The following DYNC1I2 variants were observed in gnomAD, a reference collection of about 807,000 sequenced individuals.
The protein encoded by DYNC1I2 is cytoplasmic dynein 1 intermediate chain 2.
DYNC1I2 carries 53 observed loss-of-function variants against 88.6 expected under a neutral mutation model. The ratio of observed to expected loss-of-function variants is 0.60; its 90% CI spans 0.48 to 0.75. The LOEUF (loss-of-function observed/expected upper bound fraction) is 0.75, where lower values mean the gene tolerates loss of function less well. Among genes scored for constraint, DYNC1I2 ranks in the 30% least tolerant of loss-of-function variants. The probability of loss-of-function intolerance (pLI) is 0.00; values close to 1 mark genes in which losing one functional copy is unlikely to be tolerated. For synonymous variants in DYNC1I2, 198 were observed against 254.6 expected (o/e 0.78, Z 2.12); for missense variants, 458 against 766.6 (o/e 0.60, Z 4.75).
At chr2:171,712,849 T>TC in intron 6 of DYNC1I2, 23 bp downstream of exon 6, 1 of 1,593,150 alleles carries the variant, frequency 6.3e-7, no homozygotes, top group Non-Finnish European at 8.6e-7. Context: ...TTTTTTACCT[T>TC]CCCTGTTTTA....
chr2:171,734,375 G>A (rs994543605), intron 15 of DYNC1I2, among the ~76,000 whole-genome samples: 2 of 152,114 alleles, frequency 1.3e-5, no homozygotes, highest in Non-Finnish European at 2.9e-5. Context: ...CTAGTTGAGG[G>A]GCGGTTGATA....
chr2:171,730,703 G>A (rs1354762564), intron 15 of DYNC1I2, among the ~76,000 whole-genome samples: 2 of 150,392 alleles, frequency 1.3e-5, no homozygotes, highest in Admixed American at 6.6e-5. Context: ...ATTCTAAGGT[G>A]TTTTTTTTTC....
intron 5 of DYNC1I2, among the ~76,000 whole-genome samples, chr2:171,709,875 G>A (rs368867054): frequency 2.6e-5 from 4 of 151,818 alleles, no homozygotes; most frequent in East Asian, 1.9e-4. Context: ...GCACAACCGC[G>A]CCCAGCTAAT....
chr2:171,721,792 T>C (rs542831086), intron 7 of DYNC1I2, among the ~76,000 whole-genome samples: 1 of 152,278 alleles, frequency 6.6e-6, no homozygotes, highest in South Asian at 2.1e-4. Flanking sequence ...ACAATAAAAC[T>C]ACATAGTAAA....
intron 15 of DYNC1I2, among the ~76,000 whole-genome samples, chr2:171,731,657 G>T (rs896239211): frequency 4.6e-5 from 7 of 152,224 alleles, no homozygotes; most frequent in African/African-American, 1.7e-4. Context: ...GGAGGCTGAG[G>T]TGGGAGGATT....
chr2:171,736,546 A>T (rs1470981978), intron 15 of DYNC1I2, among the ~76,000 whole-genome samples: 2 of 152,190 alleles, frequency 1.3e-5, no homozygotes, highest in Non-Finnish European at 2.9e-5. Context: ...TATAATTTGA[A>T]TGTTTAATGG....
At chr2:171,695,557 A>G (rs1014040209) in intron 3 of DYNC1I2, among the ~76,000 whole-genome samples, 2 of 152,136 alleles carry the variant, frequency 1.3e-5, no homozygotes, top group Non-Finnish European at 2.9e-5. Context: ...ATTTATTTCT[A>G]ATATATAATA....
intron 5 of DYNC1I2, among the ~76,000 whole-genome samples, chr2:171,708,490 T>G (rs1686854716): frequency 6.6e-6 from 1 of 152,210 alleles, no homozygotes; most frequent in Non-Finnish European, 1.5e-5. Flanking sequence ...AAATCTAAGC[T>G]ATACTATCTT....
At chr2:171,700,225 G>A (rs1219148999) in intron 3 of DYNC1I2, among the ~76,000 whole-genome samples, 1 of 152,154 alleles carries the variant, frequency 6.6e-6, no homozygotes, top group Non-Finnish European at 1.5e-5. Flanking sequence ...GCCACTCCAC[G>A]GATCTACTTG....
chr2:171,746,663 A>G (rs1455186083), intron 17 of DYNC1I2, among the ~76,000 whole-genome samples: 1 of 152,144 alleles, frequency 6.6e-6, no homozygotes, highest in African/African-American at 2.4e-5. Flanking sequence ...CTGCACTAAT[A>G]TGGTAGCTTC....
chr2:171,712,656 G>T, intron 5 of DYNC1I2, 111 bp from the exon 6 acceptor site: 4 of 766,222 alleles, frequency 5.2e-6, no homozygotes, highest in Admixed American at 2.6e-5. Context: ...CAGAACATGT[G>T]TTTTTTAATT....
chr2:171,697,175 GTTTTGTTTTTGT>G (rs540224968), intron 3 of DYNC1I2, among the ~76,000 whole-genome samples: 4 of 151,458 alleles, frequency 2.6e-5, no homozygotes, highest in African/African-American at 7.3e-5. Context: ...TAATTTTTTT[GTTTTGTTTTTGT>G]TTTTGTTTTT....
chr2:171,748,600 G>C lies in DYNC1I2; in HGVS notation c.*711G>C, dbSNP rs1689945743. On this transcript the variant is annotated 3_prime_UTR_variant, in exon 18 of 18. Coordinates refer to ENST00000397119, the MANE Select transcript of DYNC1I2 (RefSeq NM_001378.3). The stretch of plus-strand genomic sequence containing the variant: ...CCAGTGCATTATGAATTGATGTCTA[G>C]ATAATCTGTTGGTGAAAAAATTTCC... 6.6e-6 allele frequency among the ~76,000 whole-genome samples: 1 copy of C among 152,162 alleles called. No homozygotes were observed. The highest frequency in any genetic ancestry group is 6.5e-5 in the Admixed American group (1 of 15,276).
At chr2:171,694,377 G>T (rs1685605186) in intron 3 of DYNC1I2, among the ~76,000 whole-genome samples, 1 of 152,202 alleles carries the variant, frequency 6.6e-6, no homozygotes, top group South Asian at 2.1e-4. Context: ...AAAAGAGGTG[G>T]CTGGGTGGGG....
At chr2:171,742,193 A>G in intron 15 of DYNC1I2, among the ~76,000 whole-genome samples, 1 of 151,518 alleles carries the variant, frequency 6.6e-6, no homozygotes, top group Non-Finnish European at 1.5e-5. Flanking sequence ...ATTTTTTGAG[A>G]CAAGGTCTCA....
At chr2:171,697,105 A>T (rs1321630598) in intron 3 of DYNC1I2, among the ~76,000 whole-genome samples, 3 of 152,048 alleles carry the variant, frequency 2.0e-5, no homozygotes, top group Non-Finnish European at 2.9e-5. Flanking sequence ...GGCTCAAGCG[A>T]TCCTCTCACC....
chr2:171,732,043 T>C (rs1444889736), intron 15 of DYNC1I2, among the ~76,000 whole-genome samples: 1 of 152,140 alleles, frequency 6.6e-6, no homozygotes. Context: ...AAAAATTGGG[T>C]TAATAATTAT....
intron 10 of DYNC1I2, 91 bp downstream of exon 10, chr2:171,726,384 TAAATC>T (rs1688256867): frequency 1.2e-6 from 1 of 846,910 alleles, no homozygotes; most frequent in African/African-American, 1.7e-5. Context: ...TTTTGTATAA[TAAATC>T]AATATGTGTT....
chr2:171,738,571 T>C (rs1243036119), intron 15 of DYNC1I2, among the ~76,000 whole-genome samples: 2 of 152,214 alleles, frequency 1.3e-5, no homozygotes, highest in Non-Finnish European at 2.9e-5. Flanking sequence ...TGTAGATGTC[T>C]TTTGATGGCC....
Sources: allele counts gnomAD v4.1 joint callset (sites outside exome capture counted in the v4.1 genomes callset), GRCh38; gene constraint gnomAD v4.1.1; transcripts MANE v1.5; gene names NCBI Gene and HGNC (gene_info 2026-07-23, HGNC 2026-07-21).